The following RAB27B variants were observed in gnomAD, a reference collection of about 807,000 sequenced individuals.
The protein encoded by RAB27B is ras-related protein Rab-27B.
A neutral mutation model predicts 24.6 loss-of-function variants in RAB27B; 15 were observed. The ratio of observed to expected loss-of-function variants is 0.61; its 90% confidence interval spans 0.41 to 0.94. RAB27B has a LOEUF of 0.94. RAB27B is among the 40% of genes least tolerant of loss of function. RAB27B has a pLI of 0.00. For synonymous variants in RAB27B, 105 were observed against 92.5 expected (o/e 1.14, Z -0.78); for missense variants, 261 against 266.8 (o/e 0.98, Z 0.15).
At chr18:54,843,190 T>C (rs1911186003) in intron 1 of RAB27B, among the ~76,000 whole-genome samples, 1 of 152,220 alleles carries the variant, frequency 6.6e-6, no homozygotes, top group Non-Finnish European at 1.5e-5. Context: ...CTGGATATTG[T>C]GTCAGCAAGG....
At chr18:54,878,804 T>A (rs1435224846) in intron 2 of RAB27B, among the ~76,000 whole-genome samples, 1 of 152,186 alleles carries the variant, frequency 6.6e-6, no homozygotes, top group African/African-American at 2.4e-5. Context: ...ACTAAATGAT[T>A]AGTGAAGAAA....
intron 1 of RAB27B, among the ~76,000 whole-genome samples, chr18:54,863,432 T>C (rs117659101): frequency 1.3e-5 from 2 of 152,216 alleles, no homozygotes; most frequent in African/African-American, 4.8e-5. Context: ...CAAACAAGCA[T>C]TGTGGAGGTA....
intron 2 of RAB27B, among the ~76,000 whole-genome samples, chr18:54,815,066 C>T (rs1010694834): frequency 6.6e-6 from 1 of 152,104 alleles, no homozygotes; most frequent in Non-Finnish European, 1.5e-5. Flanking sequence ...CACAGATATA[C>T]TGTGTATCTG....
chr18:54,730,180 A>G (rs1909684480), intron 2 of RAB27B, among the ~76,000 whole-genome samples: 1 of 152,222 alleles, frequency 6.6e-6, no homozygotes, highest in Admixed American at 6.5e-5. Flanking sequence ...ATGACGTTTT[A>G]GTCTGTCACG....
chr18:54,724,390 G>A (rs1909463031), intron 2 of RAB27B, among the ~76,000 whole-genome samples: 1 of 151,462 alleles, frequency 6.6e-6, no homozygotes, highest in South Asian at 2.1e-4. Flanking sequence ...ACACTAAAGG[G>A]AACAAGGTAT....
chr18:54,832,695 A>C (rs1910732357), intron 1 of RAB27B, among the ~76,000 whole-genome samples: 1 of 152,162 alleles, frequency 6.6e-6, no homozygotes, highest in African/African-American at 2.4e-5. Context: ...TTCAAGTGAA[A>C]GGCAAACCGG....
chr18:54,887,890 C>A, intron 4 of RAB27B, 105 bp from the exon 5 acceptor site: 2 of 1,391,406 alleles, frequency 1.4e-6, no homozygotes, highest in Non-Finnish European at 2.0e-6. Context: ...TAGTAAGCAA[C>A]CAAACTGGAG....
chr18:54,851,182 A>G (rs1270380309), intron 1 of RAB27B, among the ~76,000 whole-genome samples: 1 of 152,132 alleles, frequency 6.6e-6, no homozygotes, highest in Non-Finnish European at 1.5e-5. Context: ...GCAAACTTCT[A>G]TTGGTTTGGT....
chr18:54,727,540 A>G (rs960116274), intron 2 of RAB27B, among the ~76,000 whole-genome samples: 1 of 152,210 alleles, frequency 6.6e-6, no homozygotes, highest in Non-Finnish European at 1.5e-5. Flanking sequence ...CCTCGGAGGC[A>G]GATAGCAAAA....
chr18:54,735,595 C>T (rs1909865640), intron 2 of RAB27B, among the ~76,000 whole-genome samples: 1 of 152,186 alleles, frequency 6.6e-6, no homozygotes, highest in African/African-American at 2.4e-5. Flanking sequence ...TCACTGCAAC[C>T]TCCGCCTCCT....
Position 54,884,411 on chromosome 18 carries a change from C to T in RAB27B, c.318C>T (p.Ser106=), listed in dbSNP as rs767584601. The change falls in exon 4 of 6, where the codon AGC becomes AGT. Residue 106 remains serine, a synonymous_variant. Coordinates refer to ENST00000262094, the MANE Select transcript of RAB27B (RefSeq NM_004163.4). The part of the protein sequence containing the change: ...LLMFDLTSQQ[S]FLNVRNWMSQ... ...TGTTTGACCTCACCAGTCAACAGAGCTTCTTAAATGTCAGAAACTGGATGA... is the reference window on the plus strand; with the variant it reads ...TGTTTGACCTCACCAGTCAACAGAGTTTCTTAAATGTCAGAAACTGGATGA... 1.6e-5 allele frequency: 26 copies of T among 1,611,164 alleles called. No homozygotes were observed. The South Asian group carries it at 2.3e-4, about 14-fold the overall frequency.
intron 1 of RAB27B, among the ~76,000 whole-genome samples, chr18:54,875,136 A>G (rs572547465): frequency 1.3e-4 from 20 of 152,294 alleles, no homozygotes; most frequent in Middle Eastern, 3.4e-3. Flanking sequence ...CAGCCTGGGC[A>G]ACATAGCAAA....
At chr18:54,841,155 G>GGGT (rs1458205879) in intron 1 of RAB27B, among the ~76,000 whole-genome samples, 2 of 33,982 alleles carry the variant, frequency 5.9e-5, no homozygotes, top group South Asian at 1.5e-3. Context: ...TTTGGGTGGC[G>GGGT]GGGCGGTGGG....
chr18:54,839,630 T>C (rs1284969979), intron 1 of RAB27B, among the ~76,000 whole-genome samples: 1 of 152,160 alleles, frequency 6.6e-6, no homozygotes, highest in Non-Finnish European at 1.5e-5. Flanking sequence ...TCTACTAAGG[T>C]CCTATTTCTT....
At chr18:54,878,857 A>G (rs1912810131) in intron 2 of RAB27B, among the ~76,000 whole-genome samples, 1 of 152,162 alleles carries the variant, frequency 6.6e-6, no homozygotes, top group African/African-American at 2.4e-5. Flanking sequence ...AAGTCTGTGC[A>G]TATTTCATGG....
intron 1 of RAB27B, among the ~76,000 whole-genome samples, chr18:54,849,793 A>G (rs116595302): frequency 0.039 from 5,940 of 152,268 alleles, 405 homozygotes; most frequent in African/African-American, 0.14. Flanking sequence ...AGACTTTAGA[A>G]AAAACCTTTT....
chr18:54,780,974 C>T (rs1349240328), intron 2 of RAB27B, among the ~76,000 whole-genome samples: 3 of 152,150 alleles, frequency 2.0e-5, no homozygotes, highest in Non-Finnish European at 4.4e-5. Context: ...CCAATGCCTG[C>T]GGGTCTGGGA....
chr18:54,761,059 T>A (rs1908173231), intron 2 of RAB27B, among the ~76,000 whole-genome samples: 1 of 151,760 alleles, frequency 6.6e-6, no homozygotes, highest in Non-Finnish European at 1.5e-5. Context: ...ACAAATGGGA[T>A]AATTTATAGT....
upstream of RAB27B, among the ~76,000 whole-genome samples, chr18:54,825,997 A>T (rs1910458999): frequency 6.6e-6 from 1 of 152,220 alleles, no homozygotes; most frequent in Non-Finnish European, 1.5e-5. Flanking sequence ...CAAATCAGTT[A>T]CCACGCCTGC....
Sources: allele counts gnomAD v4.1 joint callset (sites outside exome capture counted in the v4.1 genomes callset), GRCh38; gene constraint gnomAD v4.1.1; transcripts MANE v1.5; gene names NCBI Gene and HGNC (gene_info 2026-07-23, HGNC 2026-07-21).